Variants in ROR1 observed in about 807,000 individuals in gnomAD.
The protein encoded by ROR1 is ROR family WNT receptor 1.
In ROR1, 19 loss-of-function variants were observed where a neutral mutation model predicts 78.8. That is an observed-to-expected ratio of 0.24 (90% confidence interval 0.17 to 0.35). The LOEUF is 0.35. Ranked by LOEUF, ROR1 falls within the 10% of genes least tolerant of loss-of-function variation. The pLI, the probability that ROR1 is intolerant of heterozygous loss-of-function variation, is 1.00. For missense variants in ROR1, 917 were observed against 1,177.8 expected, an observed-to-expected ratio of 0.78 and a Z score of 3.24; for synonymous variants, 386 against 433.6, an observed-to-expected ratio of 0.89 and a Z score of 1.36.
chr1:63,901,010 T>A (rs1462553500), intron 1 of ROR1, among the ~76,000 whole-genome samples: 3 of 152,128 alleles, frequency 2.0e-5, no homozygotes, highest in Non-Finnish European at 4.4e-5. Flanking sequence ...GTGAGGATGC[T>A]GAGGCCCAGA....
intron 2 of ROR1, among the ~76,000 whole-genome samples, chr1:64,025,412 T>C (rs530778272): frequency 6.6e-6 from 1 of 152,136 alleles, no homozygotes; most frequent in East Asian, 1.9e-4. Context: ...CTTAAAAAAC[T>C]AAAAATAGAA....
chr1:64,001,149 C>T (rs190954880), intron 1 of ROR1, among the ~76,000 whole-genome samples: 1 of 152,320 alleles, frequency 6.6e-6, no homozygotes, highest in African/African-American at 2.4e-5. Flanking sequence ...GAATACTCTA[C>T]ACAGCAATAA....
At chr1:64,065,903 C>G (rs184615351) in intron 4 of ROR1, among the ~76,000 whole-genome samples, 1 of 152,296 alleles carries the variant, frequency 6.6e-6, no homozygotes, top group East Asian at 1.9e-4. Flanking sequence ...TCAATTCAGG[C>G]CAGCTGGGAT....
chr1:63,935,023 A>ATT lies in ROR1; in HGVS notation c.92-74265_92-74264dup, dbSNP rs11376470. Among the ~76,000 whole-genome samples, 904 of 140,184 alleles carry ATT rather than the reference A, an allele frequency of 6.4e-3. 6 individuals carry two copies. Among genetic ancestry groups the ATT allele is most frequent in the South Asian group, 0.019 (81 of 4,374 alleles). The allele number at this position is 140,184 out of a possible 152,430, so 92.0% of individuals were successfully genotyped here. A position where few individuals can be genotyped will look rare whatever the true frequency, so the allele number is the denominator to read the frequency against. On this transcript the variant is annotated intron_variant, in intron 1 of 8. Coordinates refer to ENST00000371079, the MANE Select transcript of ROR1 (RefSeq NM_005012.4). ...CTCCAGCTCTGTTTGATTTGGGAGAATTTTTTTTTTTTTTTTTTGGGTAGA... is the reference window on the plus strand; with the variant it reads ...CTCCAGCTCTGTTTGATTTGGGAGAATTTTTTTTTTTTTTTTTTTTGGGTAGA...
At chr1:63,786,422 G>A (rs1644687870) in intron 1 of ROR1, among the ~76,000 whole-genome samples, 1 of 151,228 alleles carries the variant, frequency 6.6e-6, no homozygotes, top group African/African-American at 2.4e-5. Context: ...ACAGGCACCC[G>A]CCACCACGGC....
intron 8 of ROR1, among the ~76,000 whole-genome samples, chr1:64,169,592 T>G (rs1340029714): frequency 6.6e-6 from 1 of 152,120 alleles, no homozygotes; most frequent in Non-Finnish European, 1.5e-5. Flanking sequence ...CCTGGTCCCT[T>G]TCAAATCTCA....
intron 7 of ROR1, among the ~76,000 whole-genome samples, chr1:64,146,454 C>T (rs1649476610): frequency 1.3e-5 from 2 of 151,940 alleles, no homozygotes; most frequent in African/African-American, 4.8e-5. Flanking sequence ...CCAGCCTGGG[C>T]GATAGAGCGA....
Position 63,854,260 on chromosome 1 carries a change from G to T in ROR1, c.91+79752G>T, listed in dbSNP as rs186425768. ...CATCTATTTAAGGCATTCTTCAGTA[G>T]ACTTGTCAGGGCTTATCTAAATCTT... is the stretch of plus-strand genomic sequence containing the variant. On this transcript the variant is annotated intron_variant, in intron 1 of 8. Transcript: ENST00000371079. Among the ~76,000 whole-genome samples the T allele has an allele frequency of 2.5e-3, 378 of 152,274 alleles. 2 individuals are homozygous for T. Among genetic ancestry groups the T allele is most frequent in the African/African-American group, 8.7e-3 (363 of 41,544 alleles).
At chr1:64,055,084 A>G (rs958729121) in intron 4 of ROR1, among the ~76,000 whole-genome samples, 2 of 152,154 alleles carry the variant, frequency 1.3e-5, no homozygotes, top group Non-Finnish European at 2.9e-5. Context: ...CCTATTTCCA[A>G]ATAAGATCAC....
chr1:64,076,053 T>C (rs960677042), intron 4 of ROR1, among the ~76,000 whole-genome samples: 1 of 152,206 alleles, frequency 6.6e-6, no homozygotes, highest in Non-Finnish European at 1.5e-5. Flanking sequence ...TCAGTTCTCC[T>C]ACCCTTCTTG....
chr1:63,862,269 T>C (rs2100346684), intron 1 of ROR1, among the ~76,000 whole-genome samples: 1 of 151,466 alleles, frequency 6.6e-6, no homozygotes, highest in East Asian at 2.0e-4. Context: ...TGGCACATGC[T>C]TGTAATCCCA....
intron 1 of ROR1, among the ~76,000 whole-genome samples, chr1:63,887,046 A>T (rs2100382924): frequency 6.6e-6 from 1 of 152,324 alleles, no homozygotes; most frequent in African/African-American, 2.4e-5. Context: ...ACAGCCCAGG[A>T]GACCTTGTGT....
chr1:64,178,492 T>G lies in ROR1; in HGVS notation c.2451T>G (p.Ile817Met), dbSNP rs761528173. ...GPPIPQNQRF[I>M]PINGYPIPPG... ...CAATACCTCAGAACCAGCGATTCAT[T>G]CCCATCAATGGATACCCAATACCTC... Residue 817 changes from isoleucine to methionine, a missense_variant, in exon 9 of 9, where the codon ATT becomes ATG. By Grantham distance (10) the Ile-to-Met change is conservative. This residue lies in a region of ROR1 where 835 missense variants were observed against 1,069.8 expected (regional missense o/e 0.78). Transcript: ENST00000371079. This position sits in a 1 kb window ranked among gnomAD's most constrained non-coding sequence, Gnocchi z 4.3. 1.2e-6 allele frequency: 2 copies of G among 1,614,140 alleles called. No homozygotes were observed. Among genetic ancestry groups the G allele is most frequent in the South Asian group, 2.2e-5 (2 of 91,090 alleles).
At chr1:64,160,748 A>G (rs1047196923) in intron 8 of ROR1, among the ~76,000 whole-genome samples, 1 of 152,132 alleles carries the variant, frequency 6.6e-6, no homozygotes. Flanking sequence ...TCAAGCTTCT[A>G]GTGTAAGAGT....
chr1:64,135,108 T>A (rs967934978), intron 4 of ROR1, among the ~76,000 whole-genome samples: 6 of 152,068 alleles, frequency 3.9e-5, no homozygotes, highest in African/African-American at 1.4e-4. Context: ...TGTTCTTTTT[T>A]AAAAAATCTG....
chr1:63,970,419 T>C (rs1569993461), intron 1 of ROR1, among the ~76,000 whole-genome samples: 1 of 152,206 alleles, frequency 6.6e-6, no homozygotes, highest in African/African-American at 2.4e-5. Flanking sequence ...AGTCTGGACA[T>C]AAAAGTAAGG....
chr1:64,166,852 G>A lies in ROR1; in HGVS notation c.1386+7660G>A, dbSNP rs113428237. 5.3e-3 allele frequency among the ~76,000 whole-genome samples: 814 copies of A among 152,198 alleles called. 9 individuals are homozygous for A. Among genetic ancestry groups the A allele is most frequent in the African/African-American group, 0.017 (715 of 41,526 alleles). ...GACAGTGAGGGCTGGGAGGCTGCCC[G>A]GTACATAACCTCAGCTTAAACCAAT... On this transcript the variant is annotated intron_variant, in intron 8 of 8. Coordinates refer to ENST00000371079, the MANE Select transcript of ROR1 (RefSeq NM_005012.4).
chr1:63,883,360 C>T (rs1214855970), intron 1 of ROR1, among the ~76,000 whole-genome samples: 1 of 139,026 alleles, frequency 7.2e-6, no homozygotes, highest in Non-Finnish European at 1.5e-5. Context: ...ACAGTGGAGC[C>T]TTTCTATCCC....
At chr1:63,925,717 G>T (rs1424787167) in intron 1 of ROR1, among the ~76,000 whole-genome samples, 3 of 149,748 alleles carry the variant, frequency 2.0e-5, no homozygotes, top group Non-Finnish European at 4.5e-5. Context: ...TAACTGGTGT[G>T]AGATGGTATC....
Sources: gnomAD v4.1 joint callset for allele counts (sites outside exome capture counted in the v4.1 genomes callset) on GRCh38, gnomAD v4.1.1 for gene constraint, gnomAD v4.1.1 regional missense constraint, Gnocchi (gnomAD v3.1) non-coding constraint, MANE v1.5 for transcripts, NCBI Gene and HGNC (gene_info 2026-07-23, HGNC 2026-07-21) for gene names.